The following FBN1 variants were observed in gnomAD, a reference collection of about 807,000 sequenced individuals.
The protein encoded by FBN1 is fibrillin 1, also known as fibrillin-1.
In FBN1, 29 loss-of-function variants were observed where a neutral mutation model predicts 365.1. That is an observed-to-expected ratio of 0.08 (90% CI 0.06 to 0.11). The LOEUF (loss-of-function observed/expected upper bound fraction) is 0.11, where lower values mean the gene tolerates loss of function less well. FBN1 is among the 10% of genes least tolerant of loss of function. The pLI, the probability that FBN1 is intolerant of heterozygous loss-of-function variation, is 1.00. For missense variants in FBN1, 2,476 were observed against 3,703.2 expected (o/e 0.67, Z 8.60); for synonymous variants, 1,210 against 1,270.5 (o/e 0.95, Z 1.01).
intron 2 of FBN1, among the ~76,000 whole-genome samples, chr15:48,638,882 C>T (rs988144233): frequency 1.3e-5 from 2 of 152,166 alleles, no homozygotes; most frequent in African/African-American, 2.4e-5. Flanking sequence ...GCCCACACAA[C>T]GCCCAGCAGG....
At chr15:48,541,488 T>A (rs913166440) in intron 6 of FBN1, among the ~76,000 whole-genome samples, 5 of 152,216 alleles carry the variant, frequency 3.3e-5, no homozygotes, top group African/African-American at 1.2e-4. Flanking sequence ...TAAAATTGGA[T>A]CTAAAAATGT....
Position 48,510,072 on chromosome 15 carries a change from A to C in FBN1, c.1686T>G (p.His562Gln), listed in dbSNP as rs1220088131. 1.2e-6 allele frequency: 2 copies of C among 1,613,404 alleles called. No homozygotes were observed. The highest frequency in any genetic ancestry group is 2.7e-5 in the African/African-American group (2 of 74,898). The change falls in exon 14 of 66, where the codon CAT (histidine) becomes CAG (glutamine). Residue 562 changes from histidine (H) to glutamine (Q), a missense_variant. Coordinates refer to ENST00000316623, the MANE Select transcript of FBN1 (RefSeq NM_000138.5). The part of the protein sequence containing the change: ...SFHCVCNAGF[H>Q]VTRDGKNCED... Reference sequence around the variant, plus strand: ...CACAGTTCTTCCCATCTCGTGTAACATGAAAGCCCGCATTACACACGCAAT... The same window carrying C: ...CACAGTTCTTCCCATCTCGTGTAACCTGAAAGCCCGCATTACACACGCAAT...
At chr15:48,464,336 C>A (rs2043303636) in intron 40 of FBN1, among the ~76,000 whole-genome samples, 1 of 152,020 alleles carries the variant, frequency 6.6e-6, no homozygotes, top group Non-Finnish European at 1.5e-5. Context: ...CATGGTGAAA[C>A]CCCATCTCTA....
intron 6 of FBN1, among the ~76,000 whole-genome samples, chr15:48,548,219 T>C (rs969985633): frequency 1.3e-5 from 2 of 152,222 alleles, no homozygotes; most frequent in Non-Finnish European, 2.9e-5. Flanking sequence ...ACATCACTAA[T>C]GGGACAATCA....
At chr15:48,505,222 T>C in intron 15 of FBN1, 75 bp from the exon 16 acceptor site, 1 of 1,580,672 alleles carries the variant, frequency 6.3e-7, no homozygotes, top group Admixed American at 1.7e-5. Context: ...CAATTATGTT[T>C]TAACCCTTGA....
At chr15:48,589,808 A>T (rs1325718172) in intron 6 of FBN1, among the ~76,000 whole-genome samples, 1 of 151,700 alleles carries the variant, frequency 6.6e-6, no homozygotes, top group African/African-American at 2.4e-5. Context: ...TAGTAGAGAC[A>T]GGGTTTCACA....
At chr15:48,444,726 A>G in intron 48 of FBN1, 66 bp from the exon 49 acceptor site, 1 of 1,574,638 alleles carries the variant, frequency 6.4e-7, no homozygotes, top group Non-Finnish European at 8.7e-7. Context: ...AACAATTAAA[A>G]TTCAAAAAAA....
At chr15:48,512,532 T>C (rs2043769066) in intron 13 of FBN1, among the ~76,000 whole-genome samples, 1 of 152,312 alleles carries the variant, frequency 6.6e-6, no homozygotes, top group East Asian at 1.9e-4. Flanking sequence ...TATGTGTCCA[T>C]GTGTCACCAT....
At chr15:48,572,793 G>A (rs2044316131) in intron 6 of FBN1, among the ~76,000 whole-genome samples, 1 of 152,198 alleles carries the variant, frequency 6.6e-6, no homozygotes, top group South Asian at 2.1e-4. Context: ...CTTTATCTGA[G>A]ATGCTCTGGT....
At chr15:48,417,903 T>C (rs1220981102) in intron 63 of FBN1, among the ~76,000 whole-genome samples, 1 of 152,238 alleles carries the variant, frequency 6.6e-6, no homozygotes, top group Non-Finnish European at 1.5e-5. Flanking sequence ...GGCTGATCTA[T>C]GGAGCATGAG....
intron 1 of FBN1, among the ~76,000 whole-genome samples, 166 bp from the exon 2 acceptor site, chr15:48,645,116 G>A (rs910298439): frequency 1.3e-5 from 2 of 152,248 alleles, no homozygotes; most frequent in Non-Finnish European, 2.9e-5. Context: ...GGAAAGCCCA[G>A]GCCCCCGGCG....
At chr15:48,413,485 C>T (rs779803324) in intron 64 of FBN1, among the ~76,000 whole-genome samples, 1 of 152,154 alleles carries the variant, frequency 6.6e-6, no homozygotes, top group Non-Finnish European at 1.5e-5. Context: ...TTTTTCTTTG[C>T]CTTTCAGTTA....
chr15:48,575,802 TACACACACACACACACACACAC>T (rs58125518), intron 6 of FBN1, among the ~76,000 whole-genome samples: 3 of 140,126 alleles, frequency 2.1e-5, no homozygotes, highest in Non-Finnish European at 4.7e-5. Flanking sequence ...AAATGTGAGA[TACACACACACACACACACACAC>T]ACACACACAC....
intron 24 of FBN1, among the ~76,000 whole-genome samples, chr15:48,491,367 T>TA (rs1326477177): frequency 1.3e-5 from 2 of 151,802 alleles, no homozygotes; most frequent in Non-Finnish European, 2.9e-5. Flanking sequence ...TTTTTTTTTT[T>TA]AGAGACGGAG....
At chr15:48,608,598 A>G (rs1042422813) in intron 4 of FBN1, among the ~76,000 whole-genome samples, 2 of 152,236 alleles carry the variant, frequency 1.3e-5, no homozygotes, top group African/African-American at 4.8e-5. Context: ...AATTTTAAAG[A>G]TTTCAAGTAA....
At chr15:48,571,618 TTTTC>T (rs1397314557) in intron 6 of FBN1, among the ~76,000 whole-genome samples, 3 of 152,140 alleles carry the variant, frequency 2.0e-5, no homozygotes, top group Non-Finnish European at 4.4e-5. Flanking sequence ...AAGCAAGGAT[TTTTC>T]TTTCTTTTTT....
chr15:48,534,230 GA>G lies in FBN1; in HGVS notation c.737-26del, dbSNP rs373084568. On this transcript the variant is annotated intron_variant, in intron 7 of 65. Transcript: ENST00000316623. ...TCTGTCAGATTACAGAAGACAGAGAGAAAAAAAAAAAACTCATATGAAATTC... is the reference window on the plus strand; with the variant it reads ...TCTGTCAGATTACAGAAGACAGAGAGAAAAAAAAAAACTCATATGAAATTC... The G allele has an allele frequency of 0.16, 206,035 of 1,323,070 alleles. 5,626 individuals are homozygous for G. The highest frequency in any genetic ancestry group is 0.18 in the East Asian group (5,534 of 30,532). 82.0% of individuals were successfully genotyped at this position (1,323,070 alleles called of 1,614,324 possible). A position where few individuals can be genotyped will look rare whatever the true frequency, so the allele number is the denominator to read the frequency against.
At chr15:48,441,352 T>C (rs2043113351) in intron 50 of FBN1, among the ~76,000 whole-genome samples, 1 of 152,162 alleles carries the variant, frequency 6.6e-6, no homozygotes, top group Non-Finnish European at 1.5e-5. Flanking sequence ...AAGTCTAACT[T>C]TGGACCCACA....
intron 31 of FBN1, among the ~76,000 whole-genome samples, chr15:48,482,881 A>AT (rs2043476187): frequency 6.6e-6 from 1 of 152,184 alleles, no homozygotes; most frequent in Admixed American, 6.5e-5. Context: ...TTCACAGGGA[A>AT]TTGGGTAGAA....
Sources: gnomAD v4.1 joint callset for allele counts (sites outside exome capture counted in the v4.1 genomes callset) on GRCh38, gnomAD v4.1.1 for gene constraint, MANE v1.5 for transcripts, NCBI Gene and HGNC (gene_info 2026-07-23, HGNC 2026-07-21) for gene names.